ABCA4: variants seen among roughly 807,000 people sequenced by gnomAD.
ABCA4 encodes the protein retinal-specific phospholipid-transporting ATPase ABCA4.
In ABCA4, 196 loss-of-function variants were observed where a neutral mutation model predicts 263.7. That is an observed-to-expected ratio of 0.74 (90% CI 0.66 to 0.84). ABCA4 has a LOEUF of 0.84. ABCA4 is among the 40% of genes least tolerant of loss of function. The pLI is 0.00. For synonymous variants in ABCA4, 1,133 were observed against 1,094.2 expected (o/e 1.04, Z -0.70); for missense variants, 2,792 against 2,855.1 (o/e 0.98, Z 0.50).
intron 4 of ABCA4, 142 bp downstream of exon 4, chr1:94,108,435 T>C (rs1662500834): frequency 3.5e-6 from 4 of 1,151,552 alleles, no homozygotes; most frequent in Non-Finnish European, 5.1e-6. Context: ...TTCACCAAGG[T>C]GATGTTCAAG....
Position 93,992,854 on chromosome 1 carries a change from T to C in ABCA4, c.*383A>G, listed in dbSNP as rs1202376551. On this transcript the variant is annotated 3_prime_UTR_variant, in exon 50 of 50. Transcript: ENST00000370225. ...TAGGATAGTTTGTGATGAGTGCATT[T>C]GCATTTTATTTTTCCATGAAAATCA... 3.0e-6 allele frequency: 1 copy of C among 329,960 alleles called. No individual in the cohort carries two copies. The highest frequency in any genetic ancestry group is 2.1e-5 in the African/African-American group (1 of 47,172). The allele number at this position is 329,960 out of a possible 1,614,324, so 20.4% of individuals were successfully genotyped here.
At chr1:94,105,388 C>T (rs2101148771) in intron 4 of ABCA4, among the ~76,000 whole-genome samples, 1 of 152,180 alleles carries the variant, frequency 6.6e-6, no homozygotes, top group South Asian at 2.1e-4. Context: ...GCACACAAGA[C>T]CACCCAGGAG....
At chr1:94,044,304 G>C (rs1660609045) in intron 20 of ABCA4, among the ~76,000 whole-genome samples, 1 of 152,232 alleles carries the variant, frequency 6.6e-6, no homozygotes, top group Non-Finnish European at 1.5e-5. Flanking sequence ...TTTGGTCCCA[G>C]AGAGGAAGTA....
Position 94,100,268 on chromosome 1 carries a change from A to G in ABCA4, c.571-1277T>C, listed in dbSNP as rs191466783. ...GAGCACTGAAGAGGGTGTGTTAAGA[A>G]TAGCCACTAAAAGCAGCTAGTATTT... is the stretch of plus-strand genomic sequence containing the variant. On this transcript the variant is annotated intron_variant, in intron 5 of 49. Coordinates refer to ENST00000370225, the MANE Select transcript of ABCA4 (RefSeq NM_000350.3). Among the ~76,000 whole-genome samples the G allele has an allele frequency of 2.7e-4, 41 of 152,342 alleles. 1 individual carries two copies. The highest frequency in any genetic ancestry group is 3.4e-3 in the Middle Eastern group (1 of 294).
intron 1 of ABCA4, among the ~76,000 whole-genome samples, chr1:94,116,260 T>G (rs1022907793): frequency 2.7e-5 from 4 of 147,396 alleles, no homozygotes; most frequent in Non-Finnish European, 5.9e-5. Flanking sequence ...AATTAGGCTG[T>G]TTTTTTTTGC....
At chr1:94,005,389 C>A in intron 44 of ABCA4, 52 bp downstream of exon 44, 1 of 1,611,452 alleles carries the variant, frequency 6.2e-7, no homozygotes, top group Non-Finnish European at 8.5e-7. Flanking sequence ...TCTCATGAAA[C>A]AGGCTTGTAA....
intron 17 of ABCA4, among the ~76,000 whole-genome samples, chr1:94,050,675 T>C (rs1660811759): frequency 6.6e-6 from 1 of 151,786 alleles, no homozygotes; most frequent in South Asian, 2.1e-4. Context: ...TTTATTATAG[T>C]AAAAAATTAA....
intron 48 of ABCA4, among the ~76,000 whole-genome samples, chr1:93,997,063 A>T (rs116627664): frequency 2.0e-5 from 3 of 152,162 alleles, no homozygotes; most frequent in African/African-American, 7.2e-5. Flanking sequence ...TCTATCGGGG[A>T]TGGTGGTAAC....
chr1:94,113,135 C>G, intron 1 of ABCA4, 69 bp from the exon 2 acceptor site: 2 of 1,424,724 alleles, frequency 1.4e-6, no homozygotes, highest in Non-Finnish European at 9.9e-7. Flanking sequence ...GTAACCAGAG[C>G]AGACACAGCC....
Position 93,997,955 on chromosome 1 carries a change from G to T in ABCA4, c.6635C>A (p.Ser2212Tyr). 1.9e-6 allele frequency: 3 copies of T among 1,614,142 alleles called. No homozygotes were observed. Among genetic ancestry groups the T allele is most frequent in the Non-Finnish European group, 2.5e-6 (3 of 1,180,026 alleles). ...HYNMLQFQVS[S>Y]SSLARIFQLL... ...CTGGAAGATCCTCGCCAGGGAGGAGGAGGAGACCTGGAACTGGAGCATGTT... is the reference window on the plus strand; with the variant it reads ...CTGGAAGATCCTCGCCAGGGAGGAGTAGGAGACCTGGAACTGGAGCATGTT... Residue 2212 changes from serine to tyrosine, a missense_variant, in exon 48 of 50, where the codon TCC (serine) becomes TAC (tyrosine). By Grantham distance (144) the Ser-to-Tyr change is moderately radical. Coordinates refer to ENST00000370225, the MANE Select transcript of ABCA4 (RefSeq NM_000350.3).
At chr1:94,030,950 G>A (rs760962520) in intron 28 of ABCA4, 46 bp downstream of exon 28, 17 of 1,613,032 alleles carry the variant, frequency 1.1e-5, no homozygotes, top group African/African-American at 4.0e-5. Flanking sequence ...TGTGACCCAG[G>A]TGCCCCAAAC....
At chr1:94,000,226 C>G (rs943403100) in intron 47 of ABCA4, among the ~76,000 whole-genome samples, 1 of 152,182 alleles carries the variant, frequency 6.6e-6, no homozygotes, top group East Asian at 1.9e-4. Flanking sequence ...CATATCAGAA[C>G]GTGAATGAGC....
chr1:94,049,042 G>A (rs566278710), intron 17 of ABCA4, 85 bp from the exon 18 acceptor site: 1 of 1,346,092 alleles, frequency 7.4e-7, no homozygotes, highest in South Asian at 1.2e-5. Flanking sequence ...GGTACAGGGA[G>A]CAAATGAGTT....
chr1:94,096,426 A>G (rs1662125749), intron 6 of ABCA4, among the ~76,000 whole-genome samples: 1 of 152,132 alleles, frequency 6.6e-6, no homozygotes, highest in Non-Finnish European at 1.5e-5. Context: ...GAAGGTTCAC[A>G]TTTGGAGCCT....
At position 94,008,831 on chromosome 1, in the gene ABCA4, C is replaced by A. The variant is rs756324586; in HGVS notation, c.5755G>T (p.Asp1919Tyr). ...PTKEPIVDEDDDVAEERQRII... is the reference protein window; with the variant it reads ...PTKEPIVDEDYDVAEERQRII... ...CTTTGTCTTTCTTCAGCCACATCAT[C>A]ATCTTCATCAACAATGGGCTCCTTA... Residue 1919 changes from aspartate (D) to tyrosine (Y), a missense_variant, in exon 41 of 50, where the codon GAT becomes TAT. By Grantham distance (160) the Asp-to-Tyr change is radical. Coordinates refer to ENST00000370225, the MANE Select transcript of ABCA4 (RefSeq NM_000350.3). The A allele has an allele frequency of 1.5e-5, 25 of 1,613,540 alleles. No homozygotes were observed. The Admixed American group carries it at 4.2e-4, about 27-fold the overall frequency.
At chr1:94,108,835 T>A (rs1262500649) in intron 3 of ABCA4, 119 bp from the exon 4 acceptor site, 17 of 1,245,528 alleles carry the variant, frequency 1.4e-5, no homozygotes, top group Non-Finnish European at 1.8e-5. Context: ...TGCAGTGGCG[T>A]GATCTCGGCT....
chr1:94,029,755 T>A, intron 29 of ABCA4, 124 bp from the exon 30 acceptor site: 1 of 957,958 alleles, frequency 1.0e-6, no homozygotes, highest in South Asian at 1.4e-5. Flanking sequence ...CTTCTTATTC[T>A]CTTGGAGGCT....
chr1:94,103,275 G>GA, intron 4 of ABCA4, 133 bp from the exon 5 acceptor site: 1 of 1,146,062 alleles, frequency 8.7e-7, no homozygotes, highest in Non-Finnish European at 1.3e-6. Context: ...GTCTCTGGGA[G>GA]CCCCTAGAGG....
chr1:94,041,625 G>A (rs1288833198), intron 22 of ABCA4, among the ~76,000 whole-genome samples: 1 of 152,170 alleles, frequency 6.6e-6, no homozygotes, highest in Non-Finnish European at 1.5e-5. Context: ...CACACACAGT[G>A]TCTCTGTATC....
Sources: gnomAD v4.1 joint callset for allele counts (sites outside exome capture counted in the v4.1 genomes callset) on GRCh38, gnomAD v4.1.1 for gene constraint, MANE v1.5 for transcripts, NCBI Gene and HGNC (gene_info 2026-07-23, HGNC 2026-07-21) for gene names.